The following ARID4B variants were observed in gnomAD, a reference collection of about 807,000 sequenced individuals.
ARID4B encodes AT-rich interaction domain 4B.
Under a neutral mutation model 147.5 loss-of-function variants are expected in ARID4B, and 26 were observed. That is an observed-to-expected ratio of 0.18 (90% CI 0.13 to 0.24). ARID4B has a LOEUF of 0.24. Ranked by LOEUF, ARID4B falls within the 10% of genes least tolerant of loss-of-function variation. ARID4B has a pLI of 1.00. For synonymous variants in ARID4B, 512 were observed against 507.9 expected (o/e 1.01, Z -0.11); for missense variants, 1,179 against 1,511.5 (o/e 0.78, Z 3.65).
chr1:235,203,867 TATCA>T (rs1666118090), intron 17 of ARID4B, among the ~76,000 whole-genome samples: 1 of 152,190 alleles, frequency 6.6e-6, no homozygotes, highest in Non-Finnish European at 1.5e-5. Context: ...TAAGCAATTT[TATCA>T]ATATTTACCT....
At chr1:235,296,094 C>A in intron 2 of ARID4B, 2 of 172,376 alleles carry the variant, frequency 1.2e-5, no homozygotes, top group South Asian at 3.0e-4. Flanking sequence ...CCAGCTTGAC[C>A]ACTATGCTAT....
At chr1:235,297,477 T>C (rs1002755092) in intron 2 of ARID4B, among the ~76,000 whole-genome samples, 5 of 152,178 alleles carry the variant, frequency 3.3e-5, no homozygotes, top group Admixed American at 2.0e-4. Flanking sequence ...AACTAATAAA[T>C]GTAGGAGTGA....
At chr1:235,308,505 C>T (rs565596700) in intron 2 of ARID4B, among the ~76,000 whole-genome samples, 466 of 148,906 alleles carry the variant, frequency 3.1e-3, no homozygotes, top group Middle Eastern at 6.9e-3. Flanking sequence ...TCTCTTTCCA[C>T]GGTCTCCCTC....
intron 16 of ARID4B, among the ~76,000 whole-genome samples, chr1:235,217,704 GGAA>G (rs1221143361): frequency 6.6e-6 from 1 of 152,084 alleles, no homozygotes; most frequent in African/African-American, 2.4e-5. Flanking sequence ...TCTGGACAAT[GGAA>G]GAAGGACACT....
At chr1:235,239,206 A>G (rs1668823624) in intron 8 of ARID4B, among the ~76,000 whole-genome samples, 1 of 152,052 alleles carries the variant, frequency 6.6e-6, no homozygotes, top group Non-Finnish European at 1.5e-5. Context: ...TCCTGACCTC[A>G]GGGGATTTGC....
intron 19 of ARID4B, among the ~76,000 whole-genome samples, chr1:235,192,337 C>T (rs1032391765): frequency 6.6e-6 from 1 of 152,128 alleles, no homozygotes; most frequent in Non-Finnish European, 1.5e-5. Context: ...TGGGAGGAGA[C>T]ATACTACATG....
At chr1:235,219,698 C>A in intron 16 of ARID4B, 95 bp downstream of exon 16, 5 of 995,468 alleles carry the variant, frequency 5.0e-6, no homozygotes, top group Non-Finnish European at 7.4e-6. Context: ...AATATTTTGT[C>A]AATTAATTTA....
At chr1:235,294,803 C>T (rs1028298585) in intron 2 of ARID4B, among the ~76,000 whole-genome samples, 2 of 151,370 alleles carry the variant, frequency 1.3e-5, no homozygotes, top group East Asian at 1.9e-4. Flanking sequence ...CGCAAGCCAC[C>T]GTGCCCAGCC....
intron 5 of ARID4B, among the ~76,000 whole-genome samples, chr1:235,254,558 A>G (rs1282613327): frequency 6.6e-6 from 1 of 151,974 alleles, no homozygotes; most frequent in Non-Finnish European, 1.5e-5. Flanking sequence ...TTTAAGATTC[A>G]AAACTAAAAT....
intron 17 of ARID4B, among the ~76,000 whole-genome samples, chr1:235,202,920 C>T (rs1666051586): frequency 6.6e-6 from 1 of 152,126 alleles, no homozygotes; most frequent in Non-Finnish European, 1.5e-5. Context: ...TGACAAACAC[C>T]TCTAAGGTAT....
intron 2 of ARID4B, 48 bp from the exon 3 acceptor site, chr1:235,260,800 C>T (rs1037991114): frequency 1.2e-5 from 16 of 1,327,366 alleles, no homozygotes; most frequent in Non-Finnish European, 1.6e-5. Flanking sequence ...CTAATTCTTT[C>T]CCATAATCAG....
At chr1:235,313,740 T>C (rs1156565631) in intron 2 of ARID4B, among the ~76,000 whole-genome samples, 2 of 152,150 alleles carry the variant, frequency 1.3e-5, no homozygotes, top group African/African-American at 4.8e-5. Flanking sequence ...AGAGGAGATG[T>C]ATTATATTTA....
chr1:235,264,092 G>C (rs762564275), intron 2 of ARID4B, among the ~76,000 whole-genome samples: 5 of 152,136 alleles, frequency 3.3e-5, no homozygotes, highest in Non-Finnish European at 5.9e-5. Context: ...AAAGAGCACA[G>C]AAAAAGCAGT....
At chr1:235,206,193 A>G (rs947942577) in intron 17 of ARID4B, among the ~76,000 whole-genome samples, 2 of 152,198 alleles carry the variant, frequency 1.3e-5, no homozygotes, top group African/African-American at 2.4e-5. Flanking sequence ...GTGGTAAGGG[A>G]TATTAGGAGA....
rs768377659 is a variant in ARID4B, at chr1:235,246,424, G to A, written c.442C>T (p.His148Tyr). The change falls in exon 7 of 24, where the codon CAT becomes TAT. Residue 148 changes from histidine to tyrosine, a missense_variant. This residue lies in a region of ARID4B where 159 missense variants were observed against 190.5 expected (regional missense o/e 0.83). Transcript: ENST00000264183. ...CAGTCATGAAAATGGACTTACATAT[G>A]ATTAGATCTTCTTCCTCTATTTGTT... ...KKTNRGRRSN[H>Y]IPEEESSSSS... The A allele has an allele frequency of 6.2e-7, 1 of 1,600,104 alleles. No individual in the cohort carries two copies. Among genetic ancestry groups the A allele is most frequent in the African/African-American group, 1.3e-5 (1 of 74,746 alleles).
At chr1:235,256,336 T>C (rs780552865) in intron 4 of ARID4B, among the ~76,000 whole-genome samples, 26 of 152,136 alleles carry the variant, frequency 1.7e-4, no homozygotes, top group Admixed American at 2.6e-4. Context: ...CCAGGGTCAG[T>C]AGACTACACC....
At chr1:235,277,265 T>C (rs1671376173) in intron 2 of ARID4B, among the ~76,000 whole-genome samples, 1 of 151,732 alleles carries the variant, frequency 6.6e-6, no homozygotes, top group Non-Finnish European at 1.5e-5. Flanking sequence ...AAAAAGATTT[T>C]AGAGGCTGGG....
intron 2 of ARID4B, among the ~76,000 whole-genome samples, chr1:235,300,136 C>A (rs917868951): frequency 2.0e-5 from 3 of 152,130 alleles, no homozygotes; most frequent in African/African-American, 7.2e-5. Context: ...AGGCTCTGGG[C>A]CAGGCACAGT....
chr1:235,247,109 A>G (rs1669347104), intron 6 of ARID4B, among the ~76,000 whole-genome samples: 1 of 151,964 alleles, frequency 6.6e-6, no homozygotes, highest in Non-Finnish European at 1.5e-5. Flanking sequence ...TTCCTTTCCT[A>G]CGTTTTCTTA....
Sources: allele counts gnomAD v4.1 joint callset (sites outside exome capture counted in the v4.1 genomes callset), GRCh38; gene constraint gnomAD v4.1.1; regional missense constraint gnomAD v4.1.1; transcripts MANE v1.5; gene names NCBI Gene and HGNC (gene_info 2026-07-23, HGNC 2026-07-21).